PCNX2: variants seen among roughly 807,000 people sequenced by gnomAD.
The protein encoded by PCNX2 is pecanex 2, also known as pecanex-like protein 2.
Under a neutral mutation model 223.8 loss-of-function variants are expected in PCNX2, and 168 were observed. That is an observed-to-expected ratio of 0.75 (90% confidence interval 0.66 to 0.85). PCNX2 has a LOEUF of 0.85. Among genes scored for constraint, PCNX2 ranks in the 40% least tolerant of loss-of-function variants. The pLI is 0.00. For synonymous variants in PCNX2, 1,006 were observed against 1,052.6 expected, an observed-to-expected ratio of 0.96 and a Z score of 0.86; for missense variants, 2,507 against 2,675.5, an observed-to-expected ratio of 0.94 and a Z score of 1.39.
At chr1:233,267,984 TCA>T (rs1423508996) in intron 1 of PCNX2, among the ~76,000 whole-genome samples, 1 of 152,178 alleles carries the variant, frequency 6.6e-6, no homozygotes, top group Non-Finnish European at 1.5e-5. Context: ...CAATCTTGAC[TCA>T]CTGCAATCTC....
intron 25 of PCNX2, among the ~76,000 whole-genome samples, chr1:233,043,815 C>A (rs1244570146): frequency 6.8e-6 from 1 of 147,620 alleles, no homozygotes; most frequent in Admixed American, 6.9e-5. Context: ...CATTGTTGGA[C>A]ATTTGGGTTG....
At chr1:233,216,283 A>G (rs559395985) in intron 12 of PCNX2, among the ~76,000 whole-genome samples, 59 of 152,354 alleles carry the variant, frequency 3.9e-4, no homozygotes, top group Non-Finnish European at 7.2e-4. Flanking sequence ...GCAGGCTCAG[A>G]GGAAAGCACA....
At chr1:233,320,817 A>T in the PCNX2 span, among the ~76,000 whole-genome samples, 1 of 127,900 alleles carries the variant, frequency 7.8e-6, no homozygotes, top group Non-Finnish European at 1.8e-5. Flanking sequence ...AATCTCATTA[A>T]TTGATATCAC....
chr1:233,327,285 C>T, the PCNX2 span, among the ~76,000 whole-genome samples: 1 of 151,982 alleles, frequency 6.6e-6, no homozygotes, highest in Non-Finnish European at 1.5e-5. Context: ...CCGATCCCGC[C>T]TCCCAGACCA....
In PCNX2 at chr1:233,044,515, G is replaced by A. The variant is rs75417864; in HGVS notation, c.4351+9753C>T. 8.2e-3 allele frequency among the ~76,000 whole-genome samples: 1,250 copies of A among 152,186 alleles called. 30 individuals carry two copies. Among genetic ancestry groups the A allele is most frequent in the East Asian group, 0.081 (419 of 5,178 alleles). ...TGAATGTTTTCCTGACAGGCTCCCC[G>A]TTTAGGTAGATGCAAGTAATACTCA... On this transcript the variant is annotated intron_variant, in intron 25 of 33. Coordinates refer to ENST00000258229, the MANE Select transcript of PCNX2 (RefSeq NM_014801.4).
chr1:232,992,140 T>A (rs575415221), intron 32 of PCNX2, among the ~76,000 whole-genome samples: 1 of 152,258 alleles, frequency 6.6e-6, no homozygotes, highest in Non-Finnish European at 1.5e-5. Context: ...CAATCTCCCC[T>A]GTCTTCTTCC....
At position 233,208,641 on chromosome 1, in the gene PCNX2, G is replaced by A. The variant is rs1362404673; in HGVS notation, c.2740C>T (p.Leu914=). 2.5e-6 allele frequency: 4 copies of A among 1,613,530 alleles called. No homozygotes were observed. Among genetic ancestry groups the A allele is most frequent in the East Asian group, 2.2e-5 (1 of 44,868 alleles). The change falls in exon 13 of 34, where the codon CTG becomes TTG. Residue 914 remains leucine (L), a synonymous_variant. Coordinates refer to ENST00000258229, the MANE Select transcript of PCNX2 (RefSeq NM_014801.4). Reference sequence around the variant, plus strand: ...TCAAGAAGCAAAATAAGGCCACACAGCACACAAAAATAGATTGGTCTGCTA... The same window carrying A: ...TCAAGAAGCAAAATAAGGCCACACAACACACAAAAATAGATTGGTCTGCTA... ...TYSRPIYFCV[L]CGLILLLDTG...
rs569315921 is a variant in PCNX2, at chr1:233,223,230, G to T, written c.2504+3996C>A. Among the ~76,000 whole-genome samples the T allele has an allele frequency of 3.3e-5, 5 of 152,290 alleles. 1 individual carries two copies. The highest frequency in any genetic ancestry group is 1.2e-4 in the African/African-American group (5 of 41,546). ...ATTAACTCTGTCAAATACTCCAAATGAGTCTAGTAACGTGAGAAGAAAAAG... is the reference window on the plus strand; with the variant it reads ...ATTAACTCTGTCAAATACTCCAAATTAGTCTAGTAACGTGAGAAGAAAAAG... On this transcript the variant is annotated intron_variant, in intron 10 of 33. Transcript: ENST00000258229.
chr1:233,181,530 C>A lies in PCNX2; in HGVS notation c.3067-2355G>T, dbSNP rs75028926. ...ACATCTTTAACAAATAAAAAAAGTTCTCCTTCCCCTTGATCCAGTTGCCCT... is the reference window on the plus strand; with the variant it reads ...ACATCTTTAACAAATAAAAAAAGTTATCCTTCCCCTTGATCCAGTTGCCCT... On this transcript the variant is annotated intron_variant, in intron 15 of 33. Coordinates refer to ENST00000258229, the MANE Select transcript of PCNX2 (RefSeq NM_014801.4). Among the ~76,000 whole-genome samples the A allele has an allele frequency of 4.0e-3, 610 of 152,264 alleles. 2 individuals are homozygous for A. Among genetic ancestry groups the A allele is most frequent in the African/African-American group, 0.014 (570 of 41,548 alleles).
At chr1:233,240,297 G>T (rs1422839104) in intron 8 of PCNX2, among the ~76,000 whole-genome samples, 1 of 152,156 alleles carries the variant, frequency 6.6e-6, no homozygotes, top group Admixed American at 6.5e-5. Flanking sequence ...TATGTTCTTT[G>T]CTAGCGTCTC....
chr1:233,007,691 C>A (rs780559544), intron 28 of PCNX2, among the ~76,000 whole-genome samples: 3 of 152,108 alleles, frequency 2.0e-5, no homozygotes, highest in Non-Finnish European at 2.9e-5. Context: ...GCACCTGCCA[C>A]CATGCCCGGC....
rs530258856 is a variant in PCNX2 at position 233,260,882 on chromosome 1, T to G, written c.517+403A>C. On this transcript the variant is annotated intron_variant, in intron 4 of 33. Transcript: ENST00000258229. ...AAGAAAGATCCCCCAAAACAAAATC[T>G]GTAACTTGAAAGAAAGGCAGATATG... Among the ~76,000 whole-genome samples the G allele has an allele frequency of 2.0e-5, 3 of 152,204 alleles. No individual in the cohort carries two copies. In the South Asian group the frequency reaches 6.2e-4, roughly 31 times the overall value.
chr1:233,272,700 T>C (rs538409342), intron 1 of PCNX2, among the ~76,000 whole-genome samples: 1 of 152,324 alleles, frequency 6.6e-6, no homozygotes, highest in Admixed American at 6.5e-5. Flanking sequence ...ACAGGCATGT[T>C]TATAGCAGCA....
At position 233,028,617 on chromosome 1, in the gene PCNX2, A is replaced by C. The variant is rs1287107949; in HGVS notation, c.4352-3218T>G. Among the ~76,000 whole-genome samples, 3 of 152,298 alleles carry C rather than the reference A, an allele frequency of 2.0e-5. No individual in the cohort carries two copies. The East Asian group carries it at 5.8e-4, about 29-fold the overall frequency. On this transcript the variant is annotated intron_variant, in intron 25 of 33. Transcript: ENST00000258229. ...AAATAGCACAAAACAAATAGGTGTG[A>C]GGGTTCCTAAGACTCTCCAGATCTT...
intron 23 of PCNX2, among the ~76,000 whole-genome samples, chr1:233,072,056 T>C (rs7538148): frequency 0.11 from 16,036 of 152,276 alleles, 939 homozygotes; most frequent in East Asian, 0.16. Context: ...CTTTGTCAGA[T>C]GCATAGTTTG....
At chr1:233,097,272 A>G (rs1007471605) in intron 21 of PCNX2, among the ~76,000 whole-genome samples, 1 of 151,868 alleles carries the variant, frequency 6.6e-6, no homozygotes, top group African/African-American at 2.4e-5. Context: ...TGGAAGAATG[A>G]TAGGGAGTGT....
At chr1:233,082,455 T>C (rs764436141) in intron 23 of PCNX2, among the ~76,000 whole-genome samples, 39 of 152,208 alleles carry the variant, frequency 2.6e-4, no homozygotes, top group Non-Finnish European at 4.9e-4. Context: ...AACAAGGGCA[T>C]CGAACAAATA....
intron 13 of PCNX2, among the ~76,000 whole-genome samples, chr1:233,201,020 C>A (rs1398325939): frequency 8.3e-6 from 1 of 119,970 alleles, no homozygotes; most frequent in East Asian, 2.6e-4. Context: ...AGCAAGACTC[C>A]GTCTCAAAAA....
At chr1:233,181,301 G>A (rs1229037234) in intron 15 of PCNX2, among the ~76,000 whole-genome samples, 1 of 150,440 alleles carries the variant, frequency 6.6e-6, no homozygotes, top group Non-Finnish European at 1.5e-5. Flanking sequence ...CCGGGTTCAA[G>A]CAATTCTCAT....
Sources: gnomAD v4.1 joint callset for allele counts (sites outside exome capture counted in the v4.1 genomes callset) on GRCh38, gnomAD v4.1.1 for gene constraint, MANE v1.5 for transcripts, NCBI Gene and HGNC (gene_info 2026-07-23, HGNC 2026-07-21) for gene names.